FRMPD4: variants seen among roughly 807,000 people sequenced by gnomAD.
FRMPD4 encodes the protein FERM and PDZ domain containing 4.
FRMPD4 carries 22 observed loss-of-function variants against 94.1 expected under a neutral mutation model. That is an observed-to-expected ratio of 0.23 (90% CI 0.17 to 0.33). The LOEUF (loss-of-function observed/expected upper bound fraction) is 0.33. FRMPD4 is among the 10% of genes least tolerant of loss of function. The pLI is 1.00. For synonymous variants in FRMPD4, 631 were observed against 548.6 expected (o/e 1.15, Z -2.10); for missense variants, 1,111 against 1,339.9 (o/e 0.83, Z 2.67).
At chrX:12,447,086 A>G (rs2057206195) in intron 1 of FRMPD4, among the ~76,000 whole-genome samples, 1 of 111,466 alleles carries the variant, frequency 9.0e-6, no homozygotes, top group African/African-American at 3.3e-5. Flanking sequence ...ACTAGATCCC[A>G]GGGACTCTTT....
chrX:12,270,775 C>G (rs2054344255), intron 1 of FRMPD4, among the ~76,000 whole-genome samples: 1 of 111,376 alleles, frequency 9.0e-6, no homozygotes, highest in African/African-American at 3.3e-5. Flanking sequence ...AGGTATGAAA[C>G]TGGAGCTAAG....
intron 1 of FRMPD4, among the ~76,000 whole-genome samples, chrX:12,231,863 TGGGGTG>T (rs2147779001): frequency 9.0e-6 from 1 of 111,704 alleles, no homozygotes; most frequent in East Asian, 2.8e-4. Context: ...CACGTTTAAC[TGGGGTG>T]AATGTCTTTA....
At chrX:11,897,150 CA>C (rs997285182) in intron 3 of FRMPD4, among the ~76,000 whole-genome samples, 870 of 40,591 alleles carry the variant, frequency 0.021, 7 homozygotes, top group African/African-American at 0.068. Flanking sequence ...GGATGAATTA[CA>C]AAAAAAAAAA....
intron 1 of FRMPD4, among the ~76,000 whole-genome samples, chrX:12,345,249 G>A (rs1374615746): frequency 9.0e-6 from 1 of 110,550 alleles, no homozygotes; most frequent in East Asian, 2.9e-4. Context: ...TGGATGGATG[G>A]GTGGGTGCGT....
At chrX:12,643,604 G>A (rs1436824870) in intron 4 of FRMPD4, among the ~76,000 whole-genome samples, 1 of 111,425 alleles carries the variant, frequency 9.0e-6, no homozygotes, top group Non-Finnish European at 1.9e-5. Context: ...TATGTGTAGA[G>A]GAAGGATCAG....
At chrX:12,196,809 G>C (rs2056573053) in intron 1 of FRMPD4, among the ~76,000 whole-genome samples, 1 of 110,163 alleles carries the variant, frequency 9.1e-6, no homozygotes, top group Admixed American at 9.7e-5. Flanking sequence ...TTATGAAACA[G>C]AGCCTTGAAC....
intron 1 of FRMPD4, among the ~76,000 whole-genome samples, chrX:12,425,052 C>G (rs750391451): frequency 2.7e-5 from 3 of 112,197 alleles, no homozygotes; most frequent in Non-Finnish European, 5.6e-5. Context: ...TTATTTGTAC[C>G]GAATTAGTCA....
In FRMPD4 at chrX:12,449,002, C is replaced by T. The variant is rs147754723; in HGVS notation, c.42-49678C>T. Among the ~76,000 whole-genome samples, 528 of 111,706 alleles carry T rather than the reference C, an allele frequency of 4.7e-3. 1 individual carries two copies. Among genetic ancestry groups the T allele is most frequent in the African/African-American group, 0.016 (508 of 30,799 alleles). On this transcript the variant is annotated intron_variant, in intron 1 of 16. Transcript: ENST00000675598. ...ATCTGATGGCCAAGCACCCTGGATA[C>T]AAGGCTTAAAGGAATTAATTCTCTA... is the stretch of plus-strand genomic sequence containing the variant.
chrX:12,680,752 GTAAA>G (rs906496367), intron 5 of FRMPD4, among the ~76,000 whole-genome samples: 3 of 111,165 alleles, frequency 2.7e-5, no homozygotes, highest in Admixed American at 1.9e-4. Context: ...TTATTGCATC[GTAAA>G]TAAATACAGG....
intron 3 of FRMPD4, among the ~76,000 whole-genome samples, chrX:11,966,580 T>A (rs2054310989): frequency 9.0e-6 from 1 of 111,623 alleles, no homozygotes; most frequent in Non-Finnish European, 1.9e-5. Context: ...GCCAAGGCAA[T>A]GGGTTGAAAA....
At chrX:12,556,378 C>T (rs2058595122) in intron 2 of FRMPD4, among the ~76,000 whole-genome samples, 1 of 110,984 alleles carries the variant, frequency 9.0e-6, no homozygotes, top group African/African-American at 3.3e-5. Flanking sequence ...CAGAGACCCT[C>T]TTGCTGACCT....
chrX:12,445,829 G>T (rs1260798796), intron 1 of FRMPD4, among the ~76,000 whole-genome samples: 1 of 112,690 alleles, frequency 8.9e-6, no homozygotes, highest in African/African-American at 3.2e-5. Context: ...TTTCTACTCT[G>T]TTTTAAAAGA....
At chrX:12,712,257 AAG>A (rs932792686) in intron 14 of FRMPD4, among the ~76,000 whole-genome samples, 1 of 110,960 alleles carries the variant, frequency 9.0e-6, no homozygotes, top group African/African-American at 3.3e-5. Flanking sequence ...CCCAGAATGA[AAG>A]AGATAGAAGC....
intron 3 of FRMPD4, among the ~76,000 whole-genome samples, chrX:11,962,390 A>T (rs1033117496): frequency 3.6e-5 from 4 of 111,945 alleles, no homozygotes. Context: ...TTATGAAAGC[A>T]CTAATCCCAT....
intron 1 of FRMPD4, among the ~76,000 whole-genome samples, chrX:12,376,850 T>C (rs1210427112): frequency 8.9e-6 from 1 of 112,765 alleles, no homozygotes; most frequent in East Asian, 2.8e-4. Context: ...AGTGACCAAA[T>C]AGAGTTTCTT....
intron 1 of FRMPD4, among the ~76,000 whole-genome samples, chrX:11,859,177 T>G (rs991098117): frequency 7.2e-5 from 8 of 111,610 alleles, no homozygotes; most frequent in Non-Finnish European, 1.1e-4. Flanking sequence ...AATTAAAAAA[T>G]TATTCATTTT....
chrX:12,461,118 A>G (rs2057386470), intron 1 of FRMPD4, among the ~76,000 whole-genome samples: 1 of 112,090 alleles, frequency 8.9e-6, no homozygotes, highest in African/African-American at 3.2e-5. Flanking sequence ...TTGTTTTTAA[A>G]TTTTGCTGAC....
At chrX:11,978,528 C>T (rs891898293) in intron 3 of FRMPD4, among the ~76,000 whole-genome samples, 3 of 110,263 alleles carry the variant, frequency 2.7e-5, no homozygotes, top group African/African-American at 9.9e-5. Flanking sequence ...GAAACCAATT[C>T]GAAGAATATA....
chrX:12,183,578 C>T, intron 1 of FRMPD4, among the ~76,000 whole-genome samples: 1 of 111,861 alleles, frequency 8.9e-6, no homozygotes. Context: ...GAAGTCTGAT[C>T]TAATAATTAC....
Sources: gnomAD v4.1 joint callset for allele counts (sites outside exome capture counted in the v4.1 genomes callset) on GRCh38, gnomAD v4.1.1 for gene constraint, MANE v1.5 for transcripts, NCBI Gene and HGNC (gene_info 2026-07-23, HGNC 2026-07-21) for gene names.